Variants in SETX observed in about 807,000 individuals in gnomAD.
SETX encodes the protein senataxin.
A neutral mutation model predicts 227.2 loss-of-function variants in SETX; 90 were observed. The observed-to-expected ratio is 0.40, with a 90% CI of 0.33 to 0.47. The LOEUF (loss-of-function observed/expected upper bound fraction) is 0.47, where lower values mean the gene tolerates loss of function less well. SETX is among the 20% of genes least tolerant of loss of function. SETX has a pLI of 0.91. For missense variants in SETX, 3,052 were observed against 3,181.5 expected (o/e 0.96, Z 0.98); for synonymous variants, 1,210 against 1,113.2 (o/e 1.09, Z -1.73).
At chr9:132,351,387 T>G (rs1466639641) in intron 2 of SETX, among the ~76,000 whole-genome samples, 1 of 152,208 alleles carries the variant, frequency 6.6e-6, no homozygotes, top group South Asian at 2.1e-4. Flanking sequence ...TACTTTAAAA[T>G]AAGTACTAAC....
In SETX at chr9:132,329,641, G is replaced by T. The variant is rs116333061; in HGVS notation, c.1957C>A (p.Gln653Lys). Residue 653 changes from glutamine to lysine, a missense_variant, in exon 10 of 26, where the codon CAA becomes AAA. Physicochemically the swap from Gln to Lys is moderately conservative, Grantham distance 53. Around this residue, in one of 10 missense-constraint regions of SETX, gnomAD observed 1,483 missense variants for 1,312.0 expected, o/e 1.13. Transcript: ENST00000224140. Reference sequence around the variant, plus strand: ...TCTGCTTTGATCAATACACTGTCTTGCACTTTCATTGGTTCTTTAGAAAAT... The same window carrying T: ...TCTGCTTTGATCAATACACTGTCTTTCACTTTCATTGGTTCTTTAGAAAAT... ...PTFSKEPMKV[Q>K]DSVLIKADNT... The T allele has an allele frequency of 1.1e-3, 1,808 of 1,613,660 alleles. 16 individuals carry two copies. The African/African-American group carries it at 0.021, about 19-fold the overall frequency.
chr9:132,302,874 G>A (rs1053258019), intron 11 of SETX, among the ~76,000 whole-genome samples: 7 of 151,972 alleles, frequency 4.6e-5, no homozygotes, highest in East Asian at 1.9e-4. Context: ...TAAAGAAAAC[G>A]GTGTTTAAAA....
chr9:132,350,898 G>A (rs1017346504), intron 2 of SETX, among the ~76,000 whole-genome samples: 21 of 152,202 alleles, frequency 1.4e-4, no homozygotes, highest in African/African-American at 4.6e-4. Context: ...AGTTCTCATC[G>A]ACGTGGGGGG....
intron 24 of SETX, among the ~76,000 whole-genome samples, chr9:132,271,480 G>A (rs780298361): frequency 2.6e-5 from 4 of 152,184 alleles, no homozygotes; most frequent in Non-Finnish European, 5.9e-5. Context: ...CAGAAGAATC[G>A]CTTGAACCCA....
intron 10 of SETX, among the ~76,000 whole-genome samples, chr9:132,313,541 T>C (rs1032928736): frequency 4.4e-4 from 67 of 152,224 alleles, no homozygotes; most frequent in African/African-American, 1.6e-3. Context: ...TAAAAAGTCC[T>C]AATTAACATA....
chr9:132,330,490 A>G lies in SETX; in HGVS notation c.1108T>C (p.Trp370Arg). The G allele has an allele frequency of 6.2e-7, 1 of 1,612,496 alleles. No homozygotes were observed. The highest frequency in any genetic ancestry group is 8.5e-7 in the Non-Finnish European group (1 of 1,179,884). ...TAATCTGGGCAAATGGCTGTTCTCC[A>G]TCCAGAATCCTAAAATGAAAGAAAT... is the stretch of plus-strand genomic sequence containing the variant. The part of the protein sequence containing the change: ...NPEKTKKDSG[W>R]RTAICPDYCP... Residue 370 changes from tryptophan to arginine, a missense_variant, in exon 10 of 26, where the codon TGG becomes CGG. By Grantham distance (101) the Trp-to-Arg change is moderately radical (BLOSUM62 -3). Coordinates refer to ENST00000224140, the MANE Select transcript of SETX (RefSeq NM_015046.7).
chr9:132,347,896 G>A (rs1337765001), intron 3 of SETX, among the ~76,000 whole-genome samples: 1 of 151,804 alleles, frequency 6.6e-6, no homozygotes, highest in African/African-American at 2.4e-5. Flanking sequence ...TATCTCTATG[G>A]TCTACGTTCT....
At position 132,326,427 on chromosome 9, in the gene SETX, C is replaced by T. The variant is rs770527045; in HGVS notation, c.5171G>A (p.Ser1724Asn). The change falls in exon 10 of 26, where the codon AGT becomes AAT. Residue 1724 changes from serine to asparagine, a missense_variant. Physicochemically the swap from Ser to Asn is conservative, Grantham distance 46. Transcript: ENST00000224140. ...LNFGQCGPPA[S>N]LCQSISRPVP... ...AGGTCTTGAGATGGACTGACAAAGA[C>T]TTGCAGGGGGCCCACACTGACCAAA... 3.7e-6 allele frequency: 6 copies of T among 1,614,084 alleles called. 1 individual carries two copies. The highest frequency in any genetic ancestry group is 1.3e-5 in the African/African-American group (1 of 75,024).
Position 132,311,853 on chromosome 9 carries a change from C to T in SETX, c.5278G>A (p.Ala1760Thr), listed in dbSNP as rs764316153. The T allele has an allele frequency of 4.3e-6, 7 of 1,609,998 alleles. No homozygotes were observed. The Admixed American group carries it at 6.7e-5, about 15-fold the overall frequency. Residue 1760 changes from alanine to threonine, a missense_variant, in exon 11 of 26, where the codon GCA becomes ACA. Coordinates refer to ENST00000224140, the MANE Select transcript of SETX (RefSeq NM_015046.7). ...TTTGGAGAGTTGAGCCATTCTTGTG[C>T]CACCTATACAAAGCACAAAAGCAAA... ...LMVLNTFETV[A>T]QEWLNSPNRE...
In SETX at chr9:132,327,039, A is replaced by G. The variant is rs767954870; in HGVS notation, c.4559T>C (p.Ile1520Thr). The G allele has an allele frequency of 9.3e-6, 15 of 1,614,068 alleles. No homozygotes were observed. The highest frequency in any genetic ancestry group is 1.2e-5 in the Non-Finnish European group (14 of 1,180,006). ...SQMENDNYKL[I>T]ELIHGKDTVE... ...TGTATCTTTTCCATGAATTAGTTCA[A>G]TGAGTTTATAATTGTCATTCTCCAT... Residue 1520 changes from isoleucine (I) to threonine (T), a missense_variant, in exon 10 of 26, where the codon ATT (isoleucine) becomes ACT (threonine). By Grantham distance (89) the Ile-to-Thr change is moderately conservative (BLOSUM62 -1). Transcript: ENST00000224140.
At chr9:132,336,935 G>A (rs1031853463) in intron 5 of SETX, among the ~76,000 whole-genome samples, 3 of 151,980 alleles carry the variant, frequency 2.0e-5, no homozygotes, top group African/African-American at 7.3e-5. Flanking sequence ...ACTTGGTGGT[G>A]CACTCCTGTA....
At chr9:132,283,625 A>G (rs1306001571) in intron 18 of SETX, among the ~76,000 whole-genome samples, 1 of 152,254 alleles carries the variant, frequency 6.6e-6, no homozygotes, top group Non-Finnish European at 1.5e-5. Context: ...TCGCGGCTGA[A>G]ACACAGAATA....
rs1399948600 is a variant in SETX, at chr9:132,328,665, G to A, written c.2933C>T (p.Ser978Phe). The A allele has an allele frequency of 6.2e-7, 1 of 1,613,440 alleles. No individual in the cohort carries two copies. The highest frequency in any genetic ancestry group is 2.2e-5 in the East Asian group (1 of 44,868). Residue 978 changes from serine (S) to phenylalanine (F), a missense_variant, in exon 10 of 26, where the codon TCC becomes TTC. Transcript: ENST00000224140. ...LAQASVITFP[S>F]DSPQNSSQLQ... is the part of the protein sequence containing the mutation. Reference sequence around the variant, plus strand: ...CTGCGATGAGTTCTGAGGTGAATCGGATGGGAACGTAATAACACTGGCTTG... The same window carrying A: ...CTGCGATGAGTTCTGAGGTGAATCGAATGGGAACGTAATAACACTGGCTTG...
intron 11 of SETX, among the ~76,000 whole-genome samples, chr9:132,302,598 T>G (rs1389688400): frequency 1.4e-5 from 2 of 145,192 alleles, no homozygotes; most frequent in East Asian, 4.1e-4. Flanking sequence ...AGGTGGAGAT[T>G]GCTGTGAGCC....
rs558632100 is a variant in SETX, at chr9:132,297,138, A to G, written c.5782-84T>C. ...GAAGAACATGAAAAAGACCTGTCCA[A>G]ATTTCTTTCAATGCATGAGACAAAA... On this transcript the variant is annotated intron_variant, in intron 13 of 25. Transcript: ENST00000224140. 46 of 1,128,060 alleles carry G rather than the reference A, an allele frequency of 4.1e-5. No homozygotes were observed. The African/African-American group carries it at 6.1e-4, about 15-fold the overall frequency. 69.9% of individuals were successfully genotyped at this position (1,128,060 alleles called of 1,614,324 possible). A position where few individuals can be genotyped will look rare whatever the true frequency, so the allele number is the denominator to read the frequency against.
chr9:132,285,517 CG>C (rs1185258058), intron 18 of SETX, among the ~76,000 whole-genome samples: 2 of 150,300 alleles, frequency 1.3e-5, no homozygotes, highest in Non-Finnish European at 3.0e-5. Context: ...GAGGCCGAGA[CG>C]GGGGATGACT....
At chr9:132,321,779 C>A (rs1846366074) in intron 10 of SETX, among the ~76,000 whole-genome samples, 1 of 151,602 alleles carries the variant, frequency 6.6e-6, no homozygotes, top group Non-Finnish European at 1.5e-5. Context: ...ACCCAAGAGG[C>A]AGAGGTTGCG....
intron 20 of SETX, among the ~76,000 whole-genome samples, chr9:132,279,932 T>C (rs564237114): frequency 3.9e-4 from 59 of 152,242 alleles, no homozygotes; most frequent in Middle Eastern, 3.4e-3. Flanking sequence ...CACGTACATA[T>C]ACACATAAAC....
At chr9:132,317,492 T>C (rs1846046672) in intron 10 of SETX, among the ~76,000 whole-genome samples, 1 of 152,252 alleles carries the variant, frequency 6.6e-6, no homozygotes, top group Non-Finnish European at 1.5e-5. Flanking sequence ...CAATCAATTA[T>C]ATACGCTTGG....
Sources: gnomAD v4.1 joint callset for allele counts (sites outside exome capture counted in the v4.1 genomes callset) on GRCh38, gnomAD v4.1.1 for gene constraint, gnomAD v4.1.1 regional missense constraint, MANE v1.5 for transcripts, NCBI Gene and HGNC (gene_info 2026-07-23, HGNC 2026-07-21) for gene names.